The following ROBO1 variants were observed in gnomAD, a reference collection of about 807,000 sequenced individuals.
ROBO1 encodes roundabout guidance receptor 1.
In ROBO1, 149 loss-of-function variants were observed where a neutral mutation model predicts 195.9. That is an observed-to-expected ratio of 0.76 (90% CI 0.67 to 0.87). The LOEUF is 0.87. ROBO1 is among the 40% of genes least tolerant of loss of function. The pLI is 0.00. For synonymous variants in ROBO1, 816 were observed against 733.2 expected (o/e 1.11, Z -1.82); for missense variants, 1,933 against 2,068.3 (o/e 0.93, Z 1.27).
At chr3:79,330,273 G>GTATATATATATATATA (rs34794861) in intron 2 of ROBO1, among the ~76,000 whole-genome samples, 37 of 137,856 alleles carry the variant, frequency 2.7e-4, no homozygotes, top group African/African-American at 5.8e-4. Context: ...GTATATATAT[G>GTATATATATATATATA]TATATATATA....
At chr3:79,565,099 A>C (rs1943048737) in intron 2 of ROBO1, among the ~76,000 whole-genome samples, 1 of 152,072 alleles carries the variant, frequency 6.6e-6, no homozygotes, top group Non-Finnish European at 1.5e-5. Context: ...TGAAAAATCC[A>C]CCTTTTGAAT....
Position 79,523,161 on chromosome 3 carries a change from C to CCACACACACA in ROBO1, c.88+66653_88+66662dup, listed in dbSNP as rs139825740. Among the ~76,000 whole-genome samples the CCACACACACA allele has an allele frequency of 1.1e-4, 16 of 146,368 alleles. No homozygotes were observed. The East Asian group carries it at 2.6e-3, about 24-fold the overall frequency. On this transcript the variant is annotated intron_variant, in intron 2 of 30. Transcript: ENST00000464233. The stretch of plus-strand genomic sequence containing the variant: ...CCACCATTGTAAGAGGCTTCATAAA[C>CCACACACACA]CACACACACACACACACACACACAC...
At chr3:79,583,455 T>C (rs1423143169) in intron 2 of ROBO1, among the ~76,000 whole-genome samples, 1 of 151,878 alleles carries the variant, frequency 6.6e-6, no homozygotes, top group Non-Finnish European at 1.5e-5. Context: ...GTACAGCAGA[T>C]AAATATAATC....
At chr3:79,048,499 C>A (rs2108356874) in intron 3 of ROBO1, among the ~76,000 whole-genome samples, 1 of 152,222 alleles carries the variant, frequency 6.6e-6, no homozygotes, top group Admixed American at 6.6e-5. Context: ...TCTCATGGAA[C>A]CCCAAACTAA....
intron 5 of ROBO1, among the ~76,000 whole-genome samples, chr3:78,745,463 T>C (rs1288680782): frequency 6.6e-6 from 1 of 152,144 alleles, no homozygotes; most frequent in African/African-American, 2.4e-5. Context: ...GGTCATTAAA[T>C]GATCTAGAAT....
At chr3:79,062,538 G>T (rs1576629650) in intron 3 of ROBO1, among the ~76,000 whole-genome samples, 1 of 151,948 alleles carries the variant, frequency 6.6e-6, no homozygotes, top group South Asian at 2.1e-4. Context: ...ACTATAAAGA[G>T]ACATTCACAC....
At chr3:79,569,796 C>CTAAATTAAACTAAA (rs1943219409) in intron 2 of ROBO1, among the ~76,000 whole-genome samples, 1 of 151,488 alleles carries the variant, frequency 6.6e-6, no homozygotes. Flanking sequence ...TTGAGGTAAA[C>CTAAATTAAACTAAA]TGAAAGATAA....
intron 4 of ROBO1, among the ~76,000 whole-genome samples, chr3:78,809,166 C>T (rs1291299772): frequency 1.3e-5 from 2 of 151,444 alleles, no homozygotes; most frequent in Non-Finnish European, 2.9e-5. Context: ...AAAAAAACAT[C>T]AAAAAGTGGG....
At chr3:79,484,743 T>A (rs1019051828) in intron 2 of ROBO1, among the ~76,000 whole-genome samples, 12 of 145,734 alleles carry the variant, frequency 8.2e-5, no homozygotes, top group African/African-American at 3.0e-4. Flanking sequence ...TACACCACTA[T>A]CATTGCACTA....
chr3:79,681,584 T>A (rs1481524251), intron 1 of ROBO1, among the ~76,000 whole-genome samples: 1 of 151,996 alleles, frequency 6.6e-6, no homozygotes, highest in Non-Finnish European at 1.5e-5. Context: ...ATTGTGGTGA[T>A]ATAATATATA....
At chr3:79,048,279 T>A (rs552231019) in intron 3 of ROBO1, among the ~76,000 whole-genome samples, 37 of 152,248 alleles carry the variant, frequency 2.4e-4, no homozygotes, top group Non-Finnish European at 4.6e-4. Context: ...CATCTACTGA[T>A]CTCTGGTTAT....
intron 3 of ROBO1, among the ~76,000 whole-genome samples, chr3:79,090,039 G>C (rs571194780): frequency 2.7e-5 from 4 of 150,780 alleles, no homozygotes; most frequent in Non-Finnish European, 5.9e-5. Flanking sequence ...TCCCAGGTTC[G>C]AGCAATTCTC....
intron 2 of ROBO1, among the ~76,000 whole-genome samples, chr3:79,517,747 T>C (rs184177049): frequency 4.6e-5 from 7 of 152,288 alleles, no homozygotes; most frequent in Admixed American, 3.3e-4. Flanking sequence ...GTGACACTTA[T>C]TGAATACTTG....
chr3:78,947,210 C>G (rs1236342177), intron 3 of ROBO1, among the ~76,000 whole-genome samples: 1 of 152,178 alleles, frequency 6.6e-6, no homozygotes, highest in African/African-American at 2.4e-5. Context: ...CCCAAATCAA[C>G]AGAATATACA....
intron 4 of ROBO1, among the ~76,000 whole-genome samples, chr3:78,798,365 C>T (rs1047551051): frequency 1.1e-4 from 17 of 152,092 alleles, no homozygotes; most frequent in Non-Finnish European, 1.8e-4. Flanking sequence ...GCATCAAATA[C>T]CTAAAATTAC....
At chr3:78,912,403 C>T (rs1037891656) in intron 4 of ROBO1, among the ~76,000 whole-genome samples, 2 of 152,102 alleles carry the variant, frequency 1.3e-5, no homozygotes, top group Non-Finnish European at 2.9e-5. Context: ...AGACAGATTA[C>T]CACCTGTCCT....
At chr3:78,737,404 A>G (rs1443441060) in intron 5 of ROBO1, among the ~76,000 whole-genome samples, 2 of 152,178 alleles carry the variant, frequency 1.3e-5, no homozygotes, top group African/African-American at 4.8e-5. Flanking sequence ...TAGGTATACT[A>G]ACAACAATAA....
chr3:79,455,719 A>T (rs1200232659), intron 2 of ROBO1, among the ~76,000 whole-genome samples: 2 of 152,074 alleles, frequency 1.3e-5, no homozygotes, highest in African/African-American at 4.8e-5. Context: ...TCCCCTCCAC[A>T]TATTTTTTGA....
intron 4 of ROBO1, among the ~76,000 whole-genome samples, chr3:78,887,038 G>A (rs552025527): frequency 9.2e-5 from 14 of 152,092 alleles, no homozygotes; most frequent in Admixed American, 9.2e-4. Context: ...TATTATATAA[G>A]ACATCCATCA....
Sources: allele counts gnomAD v4.1 joint callset (sites outside exome capture counted in the v4.1 genomes callset), GRCh38; gene constraint gnomAD v4.1.1; transcripts MANE v1.5; gene names NCBI Gene and HGNC (gene_info 2026-07-23, HGNC 2026-07-21).